IL1RAPL2: variants seen among roughly 807,000 people sequenced by gnomAD.
IL1RAPL2 encodes the protein interleukin 1 receptor accessory protein like 2.
In IL1RAPL2, 3 loss-of-function variants were observed where a neutral mutation model predicts 44.1. That is an observed-to-expected ratio of 0.07 (90% CI 0.03 to 0.18). IL1RAPL2 has a LOEUF of 0.18. IL1RAPL2 is among the 10% of genes least tolerant of loss of function. The probability of loss-of-function intolerance (pLI) is 1.00; values close to 1 mark genes in which losing one functional copy is unlikely to be tolerated. For missense variants in IL1RAPL2, 391 were observed against 496.4 expected (o/e 0.79, Z 2.02); for synonymous variants, 181 against 178.8 (o/e 1.01, Z -0.10).
chrX:105,036,613 G>GCAA (rs2031633479), intron 2 of IL1RAPL2, among the ~76,000 whole-genome samples: 1 of 111,958 alleles, frequency 8.9e-6, no homozygotes, highest in Admixed American at 9.5e-5. Context: ...TTCCACATAA[G>GCAA]GTTTTTAGAG....
intron 1 of IL1RAPL2, among the ~76,000 whole-genome samples, chrX:104,654,351 G>A (rs1055575562): frequency 9.0e-6 from 1 of 111,114 alleles, no homozygotes; most frequent in Non-Finnish European, 1.9e-5. Context: ...GTTGAGAAAG[G>A]CCTTTTTGTG....
At chrX:105,004,228 G>A (rs1313834386) in intron 2 of IL1RAPL2, among the ~76,000 whole-genome samples, 1 of 110,268 alleles carries the variant, frequency 9.1e-6, no homozygotes, top group Non-Finnish European at 1.9e-5. Context: ...GAAAAGGAGA[G>A]TGACTTGGTT....
chrX:104,806,710 A>C (rs1932925098), intron 2 of IL1RAPL2, among the ~76,000 whole-genome samples: 2 of 112,603 alleles, frequency 1.8e-5, no homozygotes, highest in Middle Eastern at 4.6e-3. Flanking sequence ...GCAGTAAAAG[A>C]AGCAGCTTAT....
chrX:105,544,867 A>G (rs1388428738), intron 6 of IL1RAPL2, among the ~76,000 whole-genome samples: 1 of 110,975 alleles, frequency 9.0e-6, no homozygotes, highest in Non-Finnish European at 1.9e-5. Flanking sequence ...CCCTGTAGAT[A>G]TTTAGCTAAT....
At chrX:104,912,832 A>G (rs1473273192) in intron 2 of IL1RAPL2, among the ~76,000 whole-genome samples, 1 of 112,185 alleles carries the variant, frequency 8.9e-6, no homozygotes, top group African/African-American at 3.2e-5. Context: ...ATACATGCCT[A>G]TGTGCTGCAA....
intron 2 of IL1RAPL2, among the ~76,000 whole-genome samples, chrX:105,147,760 T>C (rs2033191925): frequency 1.8e-5 from 2 of 112,123 alleles, no homozygotes; most frequent in Non-Finnish European, 3.8e-5. Context: ...ACATCTACAT[T>C]GGTTCAACTT....
In IL1RAPL2 at chrX:105,122,519, A is replaced by G. The variant is rs762581822; in HGVS notation, c.83-72956A>G. On this transcript the variant is annotated intron_variant, in intron 2 of 10. Coordinates refer to ENST00000372582, the MANE Select transcript of IL1RAPL2 (RefSeq NM_017416.2). ...GACCCACATAAGAGGCTGGAGAATTACAAAAGATGATCATCAGACAGATGC... is the reference window on the plus strand; with the variant it reads ...GACCCACATAAGAGGCTGGAGAATTGCAAAAGATGATCATCAGACAGATGC... Among the ~76,000 whole-genome samples, 8 of 111,860 alleles carry G rather than the reference A, an allele frequency of 7.2e-5. No individual in the cohort carries two copies. In the South Asian group the frequency reaches 3.0e-3, roughly 42 times the overall value.
At chrX:104,812,530 T>C (rs1395497007) in intron 2 of IL1RAPL2, among the ~76,000 whole-genome samples, 1 of 111,095 alleles carries the variant, frequency 9.0e-6, no homozygotes, top group Non-Finnish European at 1.9e-5. Context: ...GTTCTGTTTT[T>C]TTTTCTGCCT....
rs151147318 is a variant in IL1RAPL2, at chrX:105,144,618, A to C, written c.83-50857A>C. On this transcript the variant is annotated intron_variant, in intron 2 of 10. Transcript: ENST00000372582. ...TTTTTAGTCATGAAGAATTGTTTCTACTTTTCCCATGTAACCCAAGTGATT... is the reference window on the plus strand; with the variant it reads ...TTTTTAGTCATGAAGAATTGTTTCTCCTTTTCCCATGTAACCCAAGTGATT... 1.1e-4 allele frequency among the ~76,000 whole-genome samples: 12 copies of C among 111,233 alleles called. No homozygotes were observed. The East Asian group carries it at 3.4e-3, about 32-fold the overall frequency.
At chrX:105,139,142 A>G (rs775748953) in intron 2 of IL1RAPL2, among the ~76,000 whole-genome samples, 1 of 111,927 alleles carries the variant, frequency 8.9e-6, no homozygotes, top group Admixed American at 9.5e-5. Context: ...CAGCATTCAC[A>G]TGTATTATCT....
Position 105,248,399 on chromosome X carries a change from A to G in IL1RAPL2, c.543+14395A>G, listed in dbSNP as rs28430276. On this transcript the variant is annotated intron_variant, in intron 4 of 10. Coordinates refer to ENST00000372582, the MANE Select transcript of IL1RAPL2 (RefSeq NM_017416.2). Reference sequence around the variant, plus strand: ...AAAAATAGAACTAATGAGAAACTTCAGTATGGTAGCTTCCTAAAAATGTAC... The same window carrying G: ...AAAAATAGAACTAATGAGAAACTTCGGTATGGTAGCTTCCTAAAAATGTAC... 3.1e-3 allele frequency among the ~76,000 whole-genome samples: 349 copies of G among 112,081 alleles called. 3 individuals carry two copies. Among genetic ancestry groups the G allele is most frequent in the African/African-American group, 0.011 (339 of 30,984 alleles).
chrX:105,615,843 G>A (rs2037372054), intron 6 of IL1RAPL2, among the ~76,000 whole-genome samples: 1 of 112,299 alleles, frequency 8.9e-6, no homozygotes, highest in Non-Finnish European at 1.9e-5. Context: ...TGGATTGTTT[G>A]TAATGCAAAG....
chrX:104,677,866 C>G (rs1930810711), intron 2 of IL1RAPL2, among the ~76,000 whole-genome samples: 1 of 111,990 alleles, frequency 8.9e-6, no homozygotes, highest in South Asian at 3.8e-4. Flanking sequence ...TTTCCAGGTG[C>G]CCTCCGTCAC....
At chrX:104,744,598 G>A (rs1435413210) in intron 2 of IL1RAPL2, among the ~76,000 whole-genome samples, 1 of 111,201 alleles carries the variant, frequency 9.0e-6, no homozygotes, top group Non-Finnish European at 1.9e-5. Context: ...AGAGGCTAAC[G>A]TGTGCCAGAC....
intron 2 of IL1RAPL2, among the ~76,000 whole-genome samples, chrX:104,980,205 T>A (rs2030412202): frequency 9.0e-6 from 1 of 110,818 alleles, no homozygotes. Flanking sequence ...AAGAAAAAAA[T>A]TAGGATTCAG....
At chrX:104,898,391 A>G (rs746540285) in intron 2 of IL1RAPL2, among the ~76,000 whole-genome samples, 1 of 112,655 alleles carries the variant, frequency 8.9e-6, no homozygotes, top group African/African-American at 3.2e-5. Context: ...ACAACTAAGT[A>G]TAGGTATATT....
intron 2 of IL1RAPL2, among the ~76,000 whole-genome samples, chrX:104,784,448 A>G (rs1458379450): frequency 8.9e-6 from 1 of 111,953 alleles, no homozygotes; most frequent in Non-Finnish European, 1.9e-5. Context: ...TAAAGTAACA[A>G]GAGACAGGAC....
intron 2 of IL1RAPL2, among the ~76,000 whole-genome samples, chrX:104,723,314 A>G (rs1277993502): frequency 9.0e-6 from 1 of 111,709 alleles, no homozygotes; most frequent in Non-Finnish European, 1.9e-5. Flanking sequence ...ATGATAAAAT[A>G]TAAATATGGT....
At chrX:105,686,862 CAACA>C (rs1262002028) in intron 6 of IL1RAPL2, among the ~76,000 whole-genome samples, 2 of 110,108 alleles carry the variant, frequency 1.8e-5, no homozygotes, top group African/African-American at 6.6e-5. Context: ...ACAGAAATCA[CAACA>C]AACAGTCTCT....
Sources: allele counts gnomAD v4.1 joint callset (sites outside exome capture counted in the v4.1 genomes callset), GRCh38; gene constraint gnomAD v4.1.1; transcripts MANE v1.5; gene names NCBI Gene and HGNC (gene_info 2026-07-23, HGNC 2026-07-21).